STAG1: variants seen among roughly 807,000 people sequenced by gnomAD.
STAG1 encodes STAG1 cohesin complex component, also known as cohesin subunit SA-1.
In STAG1, 26 loss-of-function variants were observed where a neutral mutation model predicts 170.9. That is an observed-to-expected ratio of 0.15 (90% CI 0.11 to 0.21). The LOEUF (loss-of-function observed/expected upper bound fraction) is 0.21, where lower values mean the gene tolerates loss of function less well. Among genes scored for constraint, STAG1 ranks in the 10% least tolerant of loss-of-function variants. The pLI is 1.00. For synonymous variants in STAG1, 514 were observed against 497.7 expected (o/e 1.03, Z -0.44); for missense variants, 964 against 1,509.5 (o/e 0.64, Z 5.99).
In STAG1 at chr3:136,555,401, C is replaced by CTTTTTAAAAATCA. The variant is rs554141134; in HGVS notation, c.395-13207_395-13206insTGATTTTTAAAAA. On this transcript the variant is annotated intron_variant, in intron 5 of 33. Transcript: ENST00000383202. ...AAATGAGTTTTTAAAAAGTGAATCACGACTGGGCACAGTGGCTCAAGCCTG... is the reference window on the plus strand; with the variant it reads ...AAATGAGTTTTTAAAAAGTGAATCACTTTTTAAAAATCAGACTGGGCACAGTGGCTCAAGCCTG... 1.8e-3 allele frequency among the ~76,000 whole-genome samples: 275 copies of CTTTTTAAAAATCA among 151,720 alleles called. 1 individual carries two copies. The highest frequency in any genetic ancestry group is 6.3e-3 in the African/African-American group (259 of 41,362).
intron 3 of STAG1, among the ~76,000 whole-genome samples, chr3:136,614,460 C>A (rs1939477351): frequency 6.6e-6 from 1 of 152,204 alleles, no homozygotes; most frequent in South Asian, 2.1e-4. Flanking sequence ...TATAGGAAAG[C>A]AAACCTGAAA....
intron 6 of STAG1, among the ~76,000 whole-genome samples, chr3:136,531,146 A>G (rs949688889): frequency 1.3e-4 from 20 of 151,830 alleles, no homozygotes; most frequent in Admixed American, 2.6e-4. Context: ...GCAGCCAAAA[A>G]ACACATGAAA....
intron 5 of STAG1, among the ~76,000 whole-genome samples, chr3:136,544,959 C>T (rs1318443911): frequency 6.6e-6 from 1 of 152,014 alleles, no homozygotes; most frequent in Non-Finnish European, 1.5e-5. Flanking sequence ...GATTATAGCG[C>T]CTTAATAAAT....
chr3:136,714,964 T>TATATA (rs1491313421), intron 1 of STAG1, among the ~76,000 whole-genome samples: 20 of 63,578 alleles, frequency 3.1e-4, no homozygotes, highest in African/African-American at 7.4e-4. Context: ...TATATATATA[T>TATATA]TTTATATATA....
At chr3:136,470,436 A>G (rs944935131) in intron 12 of STAG1, among the ~76,000 whole-genome samples, 1 of 152,250 alleles carries the variant, frequency 6.6e-6, no homozygotes, top group Non-Finnish European at 1.5e-5. Flanking sequence ...CCACAATGAG[A>G]TACCATCTCA....
Position 136,627,439 on chromosome 3 carries a change from AT to A in STAG1, c.29+3430del, listed in dbSNP as rs1484360597. 2.6e-4 allele frequency among the ~76,000 whole-genome samples: 40 copies of A among 152,138 alleles called. 1 individual carries two copies. Among genetic ancestry groups the A allele is most frequent in the Admixed American group, 2.5e-3 (38 of 15,274 alleles). ...TCAAAATATAAATATCAATATTTCA[AT>A]TTTTTAAGTGTTACATACATGAGAA... On this transcript the variant is annotated intron_variant, in intron 2 of 33. Coordinates refer to ENST00000383202, the MANE Select transcript of STAG1 (RefSeq NM_005862.3).
intron 1 of STAG1, among the ~76,000 whole-genome samples, chr3:136,699,551 AT>A (rs746300449): frequency 0.013 from 1,796 of 141,168 alleles, 23 homozygotes; most frequent in African/African-American, 0.033. Flanking sequence ...CGTCTAATTT[AT>A]TTTTTTTTTT....
chr3:136,458,879 A>G (rs1309404232), intron 13 of STAG1, among the ~76,000 whole-genome samples: 2 of 152,212 alleles, frequency 1.3e-5, no homozygotes, highest in African/African-American at 4.8e-5. Flanking sequence ...AGAAGTGGAT[A>G]TATTTGTTAT....
In STAG1 at chr3:136,521,394, G is replaced by A. The variant is rs1576558323; in HGVS notation, c.495C>T (p.Thr165=). The change falls in exon 7 of 34, where the codon ACC becomes ACT. Residue 165 remains threonine (T), a synonymous_variant. Transcript: ENST00000383202. ...ATTTTTTCCACTGAGGTCCAGGCATGGTAAGAGGATAATCACCACTGTCCT... is the reference window on the plus strand; with the variant it reads ...ATTTTTTCCACTGAGGTCCAGGCATAGTAAGAGGATAATCACCACTGTCCT... ...FDEDSGDYPL[T]MPGPQWKKFR... 6.2e-7 allele frequency: 1 copy of A among 1,613,404 alleles called. No homozygotes were observed. The highest frequency in any genetic ancestry group is 1.1e-5 in the South Asian group (1 of 91,032).
At chr3:136,603,773 G>A (rs1181569147) in intron 4 of STAG1, among the ~76,000 whole-genome samples, 1 of 152,104 alleles carries the variant, frequency 6.6e-6, no homozygotes, top group Non-Finnish European at 1.5e-5. Flanking sequence ...TGTAGTCCCA[G>A]CTACTCGGGA....
intron 14 of STAG1, among the ~76,000 whole-genome samples, chr3:136,446,231 G>A (rs923041587): frequency 2.0e-5 from 3 of 152,040 alleles, no homozygotes; most frequent in South Asian, 2.1e-4. Flanking sequence ...TAGGTTTAGC[G>A]CTCAGGTTTT....
At chr3:136,703,705 G>A (rs369825239) in intron 1 of STAG1, among the ~76,000 whole-genome samples, 50 of 152,008 alleles carry the variant, frequency 3.3e-4, no homozygotes, top group East Asian at 1.2e-3. Flanking sequence ...GCTTAAAATC[G>A]ACAATTAAAA....
At chr3:136,674,935 T>C (rs1942088070) in intron 1 of STAG1, among the ~76,000 whole-genome samples, 3 of 152,170 alleles carry the variant, frequency 2.0e-5, no homozygotes, top group Admixed American at 6.5e-5. Context: ...AGTAACTCTC[T>C]AGCAAAAGTT....
At chr3:136,723,269 T>A (rs548010811) in intron 1 of STAG1, among the ~76,000 whole-genome samples, 1 of 132,328 alleles carries the variant, frequency 7.6e-6, no homozygotes, top group Admixed American at 7.4e-5. Flanking sequence ...CCGGCCGCCA[T>A]CCCATCTAGG....
chr3:136,687,737 A>ATT (rs397876527), intron 1 of STAG1, among the ~76,000 whole-genome samples: 234 of 141,792 alleles, frequency 1.7e-3, no homozygotes, highest in African/African-American at 4.6e-3. Flanking sequence ...GAAGAGACCA[A>ATT]TTTTTTTTTT....
chr3:136,463,767 G>GTGTGTGTA (rs1375220735), intron 13 of STAG1, among the ~76,000 whole-genome samples: 2,911 of 58,618 alleles, frequency 0.05, 133 homozygotes, highest in African/African-American at 0.11. Context: ...GTGTGTGTGT[G>GTGTGTGTA]TATACACACA....
intron 21 of STAG1, among the ~76,000 whole-genome samples, chr3:136,411,162 C>A (rs2087614563): frequency 6.6e-6 from 1 of 152,110 alleles, no homozygotes; most frequent in Non-Finnish European, 1.5e-5. Context: ...TGTAGTCGCA[C>A]AATTTTGTTC....
intron 1 of STAG1, among the ~76,000 whole-genome samples, chr3:136,718,617 T>C (rs942055077): frequency 1.3e-5 from 2 of 152,224 alleles, no homozygotes; most frequent in African/African-American, 4.8e-5. Flanking sequence ...CAAATAGTTA[T>C]CTTAAATATT....
intron 1 of STAG1, among the ~76,000 whole-genome samples, chr3:136,725,798 G>T (rs954753529): frequency 2.0e-5 from 3 of 152,154 alleles, no homozygotes; most frequent in Admixed American, 2.0e-4. Flanking sequence ...AAATAGTGTT[G>T]TGTCTTCTAT....
Sources: allele counts gnomAD v4.1 joint callset (sites outside exome capture counted in the v4.1 genomes callset), GRCh38; gene constraint gnomAD v4.1.1; transcripts MANE v1.5; gene names NCBI Gene and HGNC (gene_info 2026-07-23, HGNC 2026-07-21).